Variants in EYS observed in about 807,000 individuals in gnomAD.
EYS encodes EGF-like photoreceptor maintenance factor, also known as protein eyes shut homolog.
Under a neutral mutation model 282.1 loss-of-function variants are expected in EYS, and 250 were observed. That is an observed-to-expected ratio of 0.89 (90% CI 0.80 to 0.98). The LOEUF is 0.98. EYS is among the 50% of genes least tolerant of loss of function. The pLI is 0.00. For synonymous variants in EYS, 1,355 were observed against 1,282.9 expected, an observed-to-expected ratio of 1.06 and a Z score of -1.20; for missense variants, 4,016 against 3,709.0, an observed-to-expected ratio of 1.08 and a Z score of -2.15.
At chr6:64,060,470 TAAG>T (rs1017416169) in intron 33 of EYS, among the ~76,000 whole-genome samples, 3 of 152,140 alleles carry the variant, frequency 2.0e-5, no homozygotes, top group Non-Finnish European at 4.4e-5. Flanking sequence ...ATGGGTATTA[TAAG>T]AAGTAGTCTA....
intron 35 of EYS, among the ~76,000 whole-genome samples, chr6:63,973,253 T>A (rs1395212589): frequency 1.3e-5 from 2 of 152,166 alleles, no homozygotes. Context: ...GCATTCTAAC[T>A]GGCATGAGAT....
intron 32 of EYS, among the ~76,000 whole-genome samples, chr6:64,073,904 C>T (rs917680566): frequency 4.0e-5 from 6 of 151,742 alleles, no homozygotes; most frequent in Non-Finnish European, 8.9e-5. Flanking sequence ...GAAGAGTTTA[C>T]CATTAAGTCG....
chr6:64,242,852 T>C (rs1387937864), intron 30 of EYS, among the ~76,000 whole-genome samples: 1 of 147,108 alleles, frequency 6.8e-6, no homozygotes, highest in Non-Finnish European at 1.5e-5. Flanking sequence ...ATATAAAAAT[T>C]ATAACATGAA....
chr6:64,608,841 T>C (rs577269082), intron 24 of EYS, among the ~76,000 whole-genome samples: 1 of 152,246 alleles, frequency 6.6e-6, no homozygotes, highest in East Asian at 1.9e-4. Context: ...CTATATGGCA[T>C]CCTTACAAAT....
chr6:65,356,739 C>A (rs1218407319), intron 8 of EYS, among the ~76,000 whole-genome samples: 1 of 151,954 alleles, frequency 6.6e-6, no homozygotes, highest in Admixed American at 6.6e-5. Flanking sequence ...TATTGCAACA[C>A]CAGTACATTA....
intron 26 of EYS, among the ~76,000 whole-genome samples, chr6:64,493,172 C>G (rs57416666): frequency 0.02 from 2,967 of 151,396 alleles, 89 homozygotes; most frequent in African/African-American, 0.069. Flanking sequence ...GATTCAGAAG[C>G]CTTTATTATC....
At chr6:65,122,527 T>A (rs1447012748) in intron 12 of EYS, among the ~76,000 whole-genome samples, 1 of 152,126 alleles carries the variant, frequency 6.6e-6, no homozygotes, top group Non-Finnish European at 1.5e-5. Flanking sequence ...AACTATCTTA[T>A]TTTTTGAAAT....
At chr6:64,365,983 A>AAAT (rs1295914586) in intron 29 of EYS, among the ~76,000 whole-genome samples, 1 of 152,056 alleles carries the variant, frequency 6.6e-6, no homozygotes, top group Non-Finnish European at 1.5e-5. Flanking sequence ...ATGTTAGTAT[A>AAAT]AATAGCATGA....
chr6:64,173,037 C>G (rs9344825), intron 31 of EYS, among the ~76,000 whole-genome samples: 46,811 of 151,908 alleles, frequency 0.31, 7,271 homozygotes, highest in East Asian at 0.5. Context: ...CAGGTACTAG[C>G]TATGGTGAGC....
intron 41 of EYS, among the ~76,000 whole-genome samples, chr6:63,752,494 C>CT (rs11421916): frequency 0.48 from 63,106 of 131,946 alleles, 15,792 homozygotes; most frequent in African/African-American, 0.6. Flanking sequence ...TGTTTAATTT[C>CT]TTTTTTTTTT....
In EYS at chr6:65,697,792, C is replaced by G. The variant is rs559073768; in HGVS notation, c.-448+9343G>C. 9.9e-5 allele frequency among the ~76,000 whole-genome samples: 15 copies of G among 152,240 alleles called. No homozygotes were observed. The East Asian group carries it at 2.7e-3, about 27-fold the overall frequency. On this transcript the variant is annotated intron_variant, in intron 1 of 42. Transcript: ENST00000503581. ...ACATGAAATCATCACGGCATTACATCTATCTTAGTCAGAGCCTGTCAGTAT... is the reference window on the plus strand; with the variant it reads ...ACATGAAATCATCACGGCATTACATGTATCTTAGTCAGAGCCTGTCAGTAT...
chr6:64,167,858 A>C (rs1764343212), intron 31 of EYS, among the ~76,000 whole-genome samples: 1 of 152,238 alleles, frequency 6.6e-6, no homozygotes, highest in Non-Finnish European at 1.5e-5. Flanking sequence ...CAAAGGAGAT[A>C]TATGAGCGGC....
chr6:63,948,664 T>TA (rs1367493369), intron 35 of EYS, among the ~76,000 whole-genome samples: 1 of 152,120 alleles, frequency 6.6e-6, no homozygotes, highest in African/African-American at 2.4e-5. Flanking sequence ...TTTTTTTTTC[T>TA]AAAAAATACT....
intron 31 of EYS, among the ~76,000 whole-genome samples, chr6:64,224,056 C>T (rs1394612958): frequency 6.6e-6 from 1 of 151,904 alleles, no homozygotes; most frequent in African/African-American, 2.4e-5. Context: ...AAGAATGGAA[C>T]CTTTACTGTG....
chr6:65,262,957 G>C (rs1330175936), intron 12 of EYS, among the ~76,000 whole-genome samples: 2 of 151,894 alleles, frequency 1.3e-5, no homozygotes, highest in African/African-American at 4.8e-5. Context: ...GTATAACTCG[G>C]GTCTGTTATG....
At chr6:65,373,505 G>A (rs983863973) in intron 8 of EYS, among the ~76,000 whole-genome samples, 8 of 151,950 alleles carry the variant, frequency 5.3e-5, no homozygotes, top group African/African-American at 1.9e-4. Context: ...TTCTGAGGGA[G>A]CAGTCCTGGA....
intron 32 of EYS, among the ~76,000 whole-genome samples, chr6:64,076,077 C>T (rs865946248): frequency 1.6e-4 from 24 of 151,922 alleles, no homozygotes; most frequent in Admixed American, 6.6e-4. Context: ...ATATCTATTT[C>T]TGAGGGTTAT....
At chr6:64,465,083 C>T (rs1228692206) in intron 26 of EYS, among the ~76,000 whole-genome samples, 1 of 151,626 alleles carries the variant, frequency 6.6e-6, no homozygotes, top group Non-Finnish European at 1.5e-5. Context: ...ACATTGAAAA[C>T]AAAACAACAT....
chr6:64,876,521 A>C (rs1481618037), intron 19 of EYS, among the ~76,000 whole-genome samples: 2 of 152,148 alleles, frequency 1.3e-5, no homozygotes, highest in African/African-American at 4.8e-5. Flanking sequence ...TCTTGTAGGT[A>C]CTGCAATAAA....
Sources: allele counts gnomAD v4.1 joint callset (sites outside exome capture counted in the v4.1 genomes callset), GRCh38; gene constraint gnomAD v4.1.1; transcripts MANE v1.5; gene names NCBI Gene and HGNC (gene_info 2026-07-23, HGNC 2026-07-21).